Variants in LRRC74A observed in about 807,000 individuals in gnomAD.
LRRC74A encodes the protein leucine-rich repeat-containing protein 74A.
LRRC74A carries 44 observed loss-of-function variants against 57.9 expected under a neutral mutation model. The ratio of observed to expected loss-of-function variants is 0.76; its 90% CI spans 0.60 to 0.98. The LOEUF (loss-of-function observed/expected upper bound fraction) is 0.98, where lower values mean the gene tolerates loss of function less well. Ranked by LOEUF, LRRC74A falls within the 50% of genes least tolerant of loss-of-function variation. The pLI is 0.00. For synonymous variants in LRRC74A, 211 were observed against 219.4 expected, an observed-to-expected ratio of 0.96 and a Z score of 0.34; for missense variants, 572 against 574.0, an observed-to-expected ratio of 1.00 and a Z score of 0.04.
At chr14:76,864,980 AC>A (rs1425980633) in intron 11 of LRRC74A, among the ~76,000 whole-genome samples, 1 of 152,254 alleles carries the variant, frequency 6.6e-6, no homozygotes, top group Non-Finnish European at 1.5e-5. Context: ...TAAATGTTAT[AC>A]AGATAGATAG....
intron 3 of LRRC74A, among the ~76,000 whole-genome samples, chr14:76,832,482 AT>A (rs1317856060): frequency 6.6e-6 from 1 of 152,112 alleles, no homozygotes; most frequent in African/African-American, 2.4e-5. Context: ...TAATTTTTGC[AT>A]TTTTAGTAGA....
chr14:76,866,152 G>A (rs777387750), intron 12 of LRRC74A, 77 bp downstream of exon 12: 11 of 1,137,132 alleles, frequency 9.7e-6, no homozygotes, highest in African/African-American at 1.5e-5. Flanking sequence ...GGGGAGAGGA[G>A]GAGAAGGAGC....
At chr14:76,828,823 A>T in intron 2 of LRRC74A, 1 of 411,906 alleles carries the variant, frequency 2.4e-6, no homozygotes, top group Non-Finnish European at 4.7e-6. Flanking sequence ...GGCATTGCCC[A>T]GGGACAGCGG....
intron 11 of LRRC74A, among the ~76,000 whole-genome samples, chr14:76,862,031 T>G (rs1246290540): frequency 6.6e-6 from 1 of 152,250 alleles, no homozygotes; most frequent in Non-Finnish European, 1.5e-5. Flanking sequence ...AAGGCAAACC[T>G]GTTTTGCAAG....
At chr14:76,861,781 G>T (rs192649710) in intron 11 of LRRC74A, among the ~76,000 whole-genome samples, 2 of 152,344 alleles carry the variant, frequency 1.3e-5, no homozygotes, top group East Asian at 3.9e-4. Flanking sequence ...GGGGCAAGGA[G>T]CCTGCTGCTG....
intron 7 of LRRC74A, among the ~76,000 whole-genome samples, chr14:76,846,639 G>A (rs1897130901): frequency 6.6e-6 from 1 of 152,130 alleles, no homozygotes; most frequent in East Asian, 1.9e-4. Context: ...ATATACTTTG[G>A]GGGTAAAGCC....
Position 76,826,432 on chromosome 14 carries a change from T to A in LRRC74A, c.-266T>A. 1 of 1,264,000 alleles carries A rather than the reference T, an allele frequency of 7.9e-7. No homozygotes were observed. Among genetic ancestry groups the A allele is most frequent in the Non-Finnish European group, 1.1e-6 (1 of 907,334 alleles). 78.3% of individuals were successfully genotyped at this position (1,264,000 alleles called of 1,614,324 possible). On this transcript the variant is annotated 5_prime_UTR_variant, in exon 1 of 14. Transcript: ENST00000689127. ...AACAGGGCTCCCAGCAATAGAGCAG[T>A]CCCACTCTCCCAGATGAGCTGGAGA...
intron 11 of LRRC74A, among the ~76,000 whole-genome samples, chr14:76,861,865 T>A (rs1898339665): frequency 6.6e-6 from 1 of 152,192 alleles, no homozygotes; most frequent in African/African-American, 2.4e-5. Context: ...GCAGGGTGTG[T>A]CCCCGGGCTG....
intron 5 of LRRC74A, among the ~76,000 whole-genome samples, chr14:76,842,088 T>G (rs138152995): frequency 0.014 from 2,108 of 152,288 alleles, 47 homozygotes; most frequent in African/African-American, 0.049. Context: ...TTAGGTTTAT[T>G]TCTAGGTCTT....
At chr14:76,830,593 A>G (rs188634497) in intron 2 of LRRC74A, among the ~76,000 whole-genome samples, 2 of 152,390 alleles carry the variant, frequency 1.3e-5, no homozygotes, top group East Asian at 3.9e-4. Flanking sequence ...CTTTTGAAAG[A>G]AGAAAGACCA....
rs73308013 is a variant in LRRC74A at position 76,845,593 on chromosome 14, C to T, written c.676+692C>T. Among the ~76,000 whole-genome samples, 1,422 of 152,306 alleles carry T rather than the reference C, an allele frequency of 9.3e-3. 23 individuals are homozygous for T. Among genetic ancestry groups the T allele is most frequent in the African/African-American group, 0.033 (1,367 of 41,558 alleles). On this transcript the variant is annotated intron_variant, in intron 7 of 13. Coordinates refer to ENST00000689127, the MANE Select transcript of LRRC74A (RefSeq NM_001385106.1). ...TAATCAGTACACCAAACCCCTGGGA[C>T]ATGCAATTTACCTATATAACAAACC...
chr14:76,859,363 C>T (rs912906070), intron 10 of LRRC74A, among the ~76,000 whole-genome samples: 6 of 151,910 alleles, frequency 3.9e-5, no homozygotes, highest in Admixed American at 6.6e-5. Context: ...GGAGAAACCC[C>T]GTCTCTACTA....
intron 1 of LRRC74A, among the ~76,000 whole-genome samples, chr14:76,827,088 G>A (rs1326116552): frequency 6.6e-6 from 1 of 152,082 alleles, no homozygotes; most frequent in African/African-American, 2.4e-5. Context: ...TTTTCCTGGA[G>A]AATCAATTGT....
intron 13 of LRRC74A, among the ~76,000 whole-genome samples, chr14:76,869,535 G>A (rs905201475): frequency 6.6e-6 from 1 of 152,074 alleles, no homozygotes; most frequent in Non-Finnish European, 1.5e-5. Context: ...GGTGGAGCAC[G>A]AGGTCAGGAG....
rs1366211187 is a variant in LRRC74A, at chr14:76,850,734, G to A, written c.677-1631G>A. Among the ~76,000 whole-genome samples, 3 of 152,130 alleles carry A rather than the reference G, an allele frequency of 2.0e-5. No homozygotes were observed. The South Asian group carries it at 6.2e-4, about 32-fold the overall frequency. On this transcript the variant is annotated intron_variant, in intron 7 of 13. Transcript: ENST00000689127. ...ATACAAAAAATTAGCTGGGCGTGGTGGCAGGCGCCTATAATCCCAGCTGCC... is the reference window on the plus strand; with the variant it reads ...ATACAAAAAATTAGCTGGGCGTGGTAGCAGGCGCCTATAATCCCAGCTGCC...
At chr14:76,848,348 G>A (rs941886600) in intron 7 of LRRC74A, among the ~76,000 whole-genome samples, 5 of 150,490 alleles carry the variant, frequency 3.3e-5, no homozygotes, top group African/African-American at 1.2e-4. Flanking sequence ...AATAAAAGAC[G>A]AGATCCTGCT....
Position 76,844,437 on chromosome 14 carries a change from G to GAAGA in LRRC74A, c.560_563dup (p.Asp188GlufsTer18). On this transcript the variant is annotated frameshift_variant, in exon 6 of 14. Coordinates refer to ENST00000689127, the MANE Select transcript of LRRC74A (RefSeq NM_001385106.1). LOFTEE classifies it high-confidence loss of function. ...CCTCACTACAGGAAATGACTTCAAG[G>GAAGA]AAGACTCCGCAGCACTGCTCTGCCA... is the stretch of plus-strand genomic sequence containing the variant. 2 of 1,612,674 alleles carry GAAGA rather than the reference G, an allele frequency of 1.2e-6. No individual in the cohort carries two copies. Among genetic ancestry groups the GAAGA allele is most frequent in the Non-Finnish European group, 1.7e-6 (2 of 1,179,460 alleles).
rs1380503975 is a variant in LRRC74A at position 76,866,926 on chromosome 14, T to TG, written c.1309-422dup. On this transcript the variant is annotated intron_variant, in intron 12 of 13. Coordinates refer to ENST00000689127, the MANE Select transcript of LRRC74A (RefSeq NM_001385106.1). ...GAGGCATTGTGTGGGGTGTGTGTGT[T>TG]GGGGGGGGTGGTAGGTGTGTGGGGT... 7.2e-4 allele frequency among the ~76,000 whole-genome samples: 42 copies of TG among 58,578 alleles called. 1 individual carries two copies. Among genetic ancestry groups the TG allele is most frequent in the Middle Eastern group, 0.028 (2 of 72 alleles). The allele number at this position is 58,578 out of a possible 152,430, so 38.4% of individuals were successfully genotyped here.
intron 9 of LRRC74A, among the ~76,000 whole-genome samples, 169 bp from the exon 10 acceptor site, chr14:76,857,211 G>A (rs1897969010): frequency 1.3e-5 from 2 of 152,044 alleles, no homozygotes; most frequent in South Asian, 4.1e-4. Flanking sequence ...GATGAGCAGT[G>A]AGATAGGCAG....
Sources: gnomAD v4.1 joint callset for allele counts (sites outside exome capture counted in the v4.1 genomes callset) on GRCh38, gnomAD v4.1.1 for gene constraint, MANE v1.5 for transcripts, NCBI Gene and HGNC (gene_info 2026-07-23, HGNC 2026-07-21) for gene names.